OTUD4: variants seen among roughly 807,000 people sequenced by gnomAD.
The protein encoded by OTUD4 is OTU deubiquitinase 4, also known as OTU domain-containing protein 4.
OTUD4 carries 24 observed loss-of-function variants against 130.4 expected under a neutral mutation model. That is an observed-to-expected ratio of 0.18 (90% CI 0.13 to 0.26). OTUD4 has a LOEUF of 0.26. Ranked by LOEUF, OTUD4 falls within the 10% of genes least tolerant of loss-of-function variation. The pLI is 1.00. For missense variants in OTUD4, 1,031 were observed against 1,329.4 expected, an observed-to-expected ratio of 0.78 and a Z score of 3.49; for synonymous variants, 420 against 472.5, an observed-to-expected ratio of 0.89 and a Z score of 1.44.
intron 3 of OTUD4, among the ~76,000 whole-genome samples, chr4:145,170,487 G>A (rs1276364005): frequency 6.6e-6 from 1 of 152,218 alleles, no homozygotes; most frequent in African/African-American, 2.4e-5. Flanking sequence ...CTCTCCAAGT[G>A]TTGCTTTGTC....
intron 3 of OTUD4, among the ~76,000 whole-genome samples, chr4:145,166,409 C>T (rs995420080): frequency 6.6e-6 from 1 of 151,770 alleles, no homozygotes; most frequent in Non-Finnish European, 1.5e-5. Context: ...CCCAGCAATT[C>T]AACTTCTATA....
intron 1 of OTUD4, among the ~76,000 whole-genome samples, chr4:145,175,293 A>T (rs1328939975): frequency 6.7e-6 from 1 of 148,350 alleles, no homozygotes; most frequent in Non-Finnish European, 1.5e-5. Flanking sequence ...TTGGTGATCA[A>T]GCTTATAAGA....
chr4:145,165,482 CTT>C (rs895997652), intron 3 of OTUD4, among the ~76,000 whole-genome samples: 1 of 146,096 alleles, frequency 6.8e-6, no homozygotes. Flanking sequence ...TAAGTTGAGA[CTT>C]TTTTTTTTTT....
In OTUD4 at chr4:145,137,468, A is replaced by G. The variant is rs1352367317; in HGVS notation, c.3307T>C (p.Ser1103Pro). The change falls in exon 21 of 21, where the codon TCA becomes CCA. Residue 1103 changes from serine (S) to proline (P), a missense_variant. Ser to Pro is a moderately conservative substitution (Grantham distance 74). This residue lies in a region of OTUD4 where 900 missense variants were observed against 1,095.9 expected (regional missense o/e 0.82). Transcript: ENST00000447906. Reference sequence around the variant, plus strand: ...CCCCTATGGCCATCTCCCATCCCTGATCTCCTCCTATCTCCCCTAAATGGT... The same window carrying G: ...CCCCTATGGCCATCTCCCATCCCTGGTCTCCTCCTATCTCCCCTAAATGGT... ...GRPFRGDRRRSGMGDGHRGQH... is the reference protein window; with the variant it reads ...GRPFRGDRRRPGMGDGHRGQH... The G allele has an allele frequency of 1.9e-6, 3 of 1,611,824 alleles. No individual in the cohort carries two copies. The highest frequency in any genetic ancestry group is 1.1e-5 in the South Asian group (1 of 90,958).
Position 145,143,999 on chromosome 4 carries a change from A to G in OTUD4, c.1549T>C (p.Ser517Pro), listed in dbSNP as rs1212431351. ...MDTEERKDKDSIHGHSQLDKR... is the reference protein window; with the variant it reads ...MDTEERKDKDPIHGHSQLDKR... ...TCCAACTGACTATGTCCATGAATAGAGTCTATAGCAGATCAAGATTAAAAA... is the reference window on the plus strand; with the variant it reads ...TCCAACTGACTATGTCCATGAATAGGGTCTATAGCAGATCAAGATTAAAAA... Residue 517 changes from serine (S) to proline (P), a missense_variant and splice_region_variant, in exon 16 of 21, where the codon TCT (serine) becomes CCT (proline). Physicochemically the swap from Ser to Pro is moderately conservative, Grantham distance 74. Transcript: ENST00000447906. 6.2e-7 allele frequency: 1 copy of G among 1,610,534 alleles called. No individual in the cohort carries two copies. The highest frequency in any genetic ancestry group is 1.1e-5 in the South Asian group (1 of 90,854).
chr4:145,162,258 T>C (rs1384765031), intron 6 of OTUD4, among the ~76,000 whole-genome samples: 2 of 152,190 alleles, frequency 1.3e-5, no homozygotes, highest in Non-Finnish European at 2.9e-5. Flanking sequence ...TTTGTTTACA[T>C]TAAGACTGTA....
intron 1 of OTUD4, among the ~76,000 whole-genome samples, chr4:145,176,979 C>T (rs1222501236): frequency 1.3e-5 from 2 of 152,194 alleles, no homozygotes; most frequent in Admixed American, 6.5e-5. Flanking sequence ...CACTGCTGTT[C>T]TTGGACACTA....
At chr4:145,162,525 C>G in intron 6 of OTUD4, 115 bp downstream of exon 6, 1 of 536,852 alleles carries the variant, frequency 1.9e-6, no homozygotes, top group Non-Finnish European at 3.3e-6. Flanking sequence ...GCACTCCAGC[C>G]TGGGAGACAG....
At chr4:145,143,336 T>A (rs769220148) in intron 17 of OTUD4, 29 bp downstream of exon 17, 1 of 1,390,510 alleles carries the variant, frequency 7.2e-7, no homozygotes, top group Non-Finnish European at 1.0e-6. Flanking sequence ...GAGTGGAGCA[T>A]TCAATGTTAA....
intron 20 of OTUD4, among the ~76,000 whole-genome samples, chr4:145,139,418 A>G (rs1045299153): frequency 1.3e-5 from 2 of 152,228 alleles, no homozygotes; most frequent in African/African-American, 4.8e-5. Flanking sequence ...CCAACCTAAG[A>G]AAAGCTATTT....
chr4:145,160,877 A>G (rs1751528112), intron 6 of OTUD4, among the ~76,000 whole-genome samples: 1 of 152,076 alleles, frequency 6.6e-6, no homozygotes, highest in Non-Finnish European at 1.5e-5. Flanking sequence ...TGGGAGGCTG[A>G]GGTAGGCGGA....
chr4:145,143,843 C>G, intron 16 of OTUD4, 103 bp downstream of exon 16: 4 of 804,934 alleles, frequency 5.0e-6, no homozygotes, highest in Non-Finnish European at 6.2e-6. Context: ...TAATACACAG[C>G]TATAAAATTT....
intron 1 of OTUD4, among the ~76,000 whole-genome samples, chr4:145,178,965 CTT>C (rs984811623): frequency 6.6e-6 from 1 of 152,058 alleles, no homozygotes; most frequent in Non-Finnish European, 1.5e-5. Context: ...AGAGCAGAAA[CTT>C]TTATCCAGCT....
At chr4:145,176,920 G>A (rs1025101327) in intron 1 of OTUD4, among the ~76,000 whole-genome samples, 2 of 152,202 alleles carry the variant, frequency 1.3e-5, no homozygotes, top group African/African-American at 4.8e-5. Flanking sequence ...TTAGCAATTA[G>A]TTTGTTTTCA....
intron 7 of OTUD4, among the ~76,000 whole-genome samples, chr4:145,157,459 C>A (rs909015617): frequency 2.0e-5 from 3 of 152,076 alleles, no homozygotes; most frequent in African/African-American, 7.2e-5. Flanking sequence ...GAGGCCGAGG[C>A]GGGTGGATCG....
chr4:145,152,039 C>T (rs534916760), intron 11 of OTUD4, among the ~76,000 whole-genome samples: 1 of 151,860 alleles, frequency 6.6e-6, no homozygotes, highest in East Asian at 1.9e-4. Context: ...AGCAACAAAA[C>T]AAATAATCTT....
Position 145,136,656 on chromosome 4 carries a change from CATG to C in OTUD4, c.*771_*773del, listed in dbSNP as rs1333860530. 4 of 152,364 alleles carry C rather than the reference CATG, an allele frequency of 2.6e-5. No individual in the cohort carries two copies. Among genetic ancestry groups the C allele is most frequent in the Non-Finnish European group, 5.9e-5 (4 of 67,982 alleles). The allele number at this position is 152,364 out of a possible 1,614,324, so 9.4% of individuals were successfully genotyped here. On this transcript the variant is annotated 3_prime_UTR_variant, in exon 21 of 21. Coordinates refer to ENST00000447906, the MANE Select transcript of OTUD4 (RefSeq NM_001366057.1). ...ATCTACATTTCTTTCGAGTAGGCACCATGATATTTACACCAGTGCTAAGAATTC... is the reference window on the plus strand; with the variant it reads ...ATCTACATTTCTTTCGAGTAGGCACCATATTTACACCAGTGCTAAGAATTC...
In OTUD4 at chr4:145,171,786, T is replaced by C. The variant is rs890247886; in HGVS notation, c.244-66A>G. On this transcript the variant is annotated intron_variant, in intron 2 of 20. Coordinates refer to ENST00000447906, the MANE Select transcript of OTUD4 (RefSeq NM_001366057.1). ...ATGCCAAAACAGTTAACCGCTTCGC[T>C]GTGTAAACATTCACTGTGAATTACT... 3.9e-6 allele frequency: 3 copies of C among 775,054 alleles called. No homozygotes were observed. In the Admixed American group the frequency reaches 6.0e-5, roughly 16 times the overall value. 48.0% of individuals were successfully genotyped at this position (775,054 alleles called of 1,614,324 possible). A position where few individuals can be genotyped will look rare whatever the true frequency, so the allele number is the denominator to read the frequency against.
Position 145,144,293 on chromosome 4 carries a change from A to C in OTUD4, c.1546+18T>G, listed in dbSNP as rs769613318. 4 of 1,605,086 alleles carry C rather than the reference A, an allele frequency of 2.5e-6. No homozygotes were observed. The highest frequency in any genetic ancestry group is 2.5e-6 in the Non-Finnish European group (3 of 1,177,704). Reference sequence around the variant, plus strand: ...AAGAGATCTCTAGCATCTGCTTTCTAATGATGAGATAACTTACCTTTGTCT... The same window carrying C: ...AAGAGATCTCTAGCATCTGCTTTCTCATGATGAGATAACTTACCTTTGTCT... On this transcript the variant is annotated intron_variant, in intron 15 of 20. Transcript: ENST00000447906.
Sources: allele counts gnomAD v4.1 joint callset (sites outside exome capture counted in the v4.1 genomes callset), GRCh38; gene constraint gnomAD v4.1.1; regional missense constraint gnomAD v4.1.1; transcripts MANE v1.5; gene names NCBI Gene and HGNC (gene_info 2026-07-23, HGNC 2026-07-21).